Variants in MCU observed in about 807,000 individuals in gnomAD.
The protein encoded by MCU is calcium uniporter protein, mitochondrial.
In MCU, 12 loss-of-function variants were observed where a neutral mutation model predicts 45.2. The ratio of observed to expected loss-of-function variants is 0.27; its 90% confidence interval spans 0.17 to 0.43. The LOEUF is 0.43. Ranked by LOEUF, MCU falls within the 20% of genes least tolerant of loss-of-function variation. MCU has a pLI of 1.00. For missense variants in MCU, 324 were observed against 436.7 expected, an observed-to-expected ratio of 0.74 and a Z score of 2.30; for synonymous variants, 160 against 165.1, an observed-to-expected ratio of 0.97 and a Z score of 0.24.
chr10:72,775,863 T>C (rs1334010009), intron 1 of MCU, among the ~76,000 whole-genome samples: 2 of 151,966 alleles, frequency 1.3e-5, no homozygotes, highest in Non-Finnish European at 2.9e-5. Flanking sequence ...AGTAATGAAA[T>C]AGAAGCTGTA....
At chr10:72,844,275 TACTC>T (rs1845087838) in intron 2 of MCU, among the ~76,000 whole-genome samples, 1 of 152,094 alleles carries the variant, frequency 6.6e-6, no homozygotes, top group East Asian at 1.9e-4. Context: ...TAATTCCAGT[TACTC>T]AGGAGGCTGA....
intron 1 of MCU, among the ~76,000 whole-genome samples, chr10:72,774,430 C>T (rs1843859633): frequency 6.6e-6 from 1 of 151,944 alleles, no homozygotes; most frequent in Non-Finnish European, 1.5e-5. Flanking sequence ...AAAAACACAA[C>T]AAATTAAAAA....
rs144528576 is a variant in MCU, at chr10:72,719,154, G to A, written c.150+26853G>A. Among the ~76,000 whole-genome samples, 905 of 152,256 alleles carry A rather than the reference G, an allele frequency of 5.9e-3. 12 individuals are homozygous for A. Among genetic ancestry groups the A allele is most frequent in the African/African-American group, 0.021 (852 of 41,528 alleles). ...TATACAAAAAGTATTAAAAGTATTA[G>A]CAATTCTGGAAAACACACAGCATTT... On this transcript the variant is annotated intron_variant, in intron 1 of 7. Transcript: ENST00000373053.
intron 1 of MCU, among the ~76,000 whole-genome samples, chr10:72,786,254 A>G (rs1844069763): frequency 1.3e-5 from 2 of 152,112 alleles, no homozygotes; most frequent in South Asian, 4.1e-4. Context: ...ACACATCAAC[A>G]TAGAGTGAGA....
chr10:72,827,077 A>T (rs985058252), intron 1 of MCU, among the ~76,000 whole-genome samples: 1 of 152,166 alleles, frequency 6.6e-6, no homozygotes, highest in Non-Finnish European at 1.5e-5. Context: ...TCAGGCATCC[A>T]TTGAGAGTCT....
In MCU at chr10:72,842,512, C is replaced by T. The variant is rs113373818; in HGVS notation, c.220+8084C>T. The stretch of plus-strand genomic sequence containing the variant: ...CCACTTTTCATCAAAACAGAAAGTA[C>T]ACAACCTTTTGGATATCAAAGATAA... On this transcript the variant is annotated intron_variant, in intron 2 of 7. Transcript: ENST00000373053. Among the ~76,000 whole-genome samples the T allele has an allele frequency of 6.6e-3, 1,001 of 152,264 alleles. 9 individuals carry two copies. Among genetic ancestry groups the T allele is most frequent in the African/African-American group, 0.023 (953 of 41,540 alleles).
At chr10:72,796,692 T>TG (rs1844252178) in intron 1 of MCU, among the ~76,000 whole-genome samples, 1 of 114,694 alleles carries the variant, frequency 8.7e-6, no homozygotes, top group South Asian at 2.7e-4. Flanking sequence ...TTTTAGTTTT[T>TG]GTTTTTTTTT....
intron 1 of MCU, among the ~76,000 whole-genome samples, chr10:72,831,332 T>G (rs756107666): frequency 2.0e-5 from 3 of 151,952 alleles, no homozygotes; most frequent in Non-Finnish European, 4.4e-5. Context: ...GAAAGGTAAA[T>G]GCTAAGAGAA....
chr10:72,741,098 CTTTTTT>C (rs11310286), intron 1 of MCU, among the ~76,000 whole-genome samples: 1 of 124,684 alleles, frequency 8.0e-6, no homozygotes. Context: ...TTTTCTTTTT[CTTTTTT>C]TTTTTTTTTT....
At chr10:72,740,674 A>AG (rs1843314664) in intron 1 of MCU, among the ~76,000 whole-genome samples, 2 of 152,174 alleles carry the variant, frequency 1.3e-5, no homozygotes, top group Admixed American at 6.5e-5. Context: ...GATTCCAGTG[A>AG]GGTCGTAAGA....
chr10:72,885,637 T>G (rs920869338), intron 7 of MCU, 108 bp from the exon 8 acceptor site: 12 of 713,304 alleles, frequency 1.7e-5, no homozygotes, highest in African/African-American at 1.6e-4. Context: ...GTTATTGAGA[T>G]GATCTCTCTG....
At chr10:72,814,750 T>C (rs1844599545) in intron 1 of MCU, among the ~76,000 whole-genome samples, 1 of 152,210 alleles carries the variant, frequency 6.6e-6, no homozygotes, top group Admixed American at 6.5e-5. Flanking sequence ...AGGGTTATAT[T>C]ATCTTAAGGG....
intron 1 of MCU, among the ~76,000 whole-genome samples, chr10:72,786,336 A>G (rs1844070976): frequency 6.6e-6 from 1 of 152,134 alleles, no homozygotes. Flanking sequence ...GATATATTTG[A>G]TTTCAGATCC....
At chr10:72,709,493 G>A (rs1207640197) in intron 1 of MCU, among the ~76,000 whole-genome samples, 1 of 152,128 alleles carries the variant, frequency 6.6e-6, no homozygotes, top group Non-Finnish European at 1.5e-5. Flanking sequence ...TTCTTGATCT[G>A]TTAGTTTCTC....
intron 1 of MCU, among the ~76,000 whole-genome samples, chr10:72,827,622 A>G (rs979778740): frequency 1.3e-5 from 2 of 152,172 alleles, no homozygotes; most frequent in East Asian, 1.9e-4. Context: ...TATAGTAATT[A>G]AATTTTTTAT....
At chr10:72,807,670 T>C (rs1182555936) in intron 1 of MCU, among the ~76,000 whole-genome samples, 1 of 152,080 alleles carries the variant, frequency 6.6e-6, no homozygotes, top group East Asian at 1.9e-4. Flanking sequence ...CACACACACA[T>C]AAGCTTTGCT....
chr10:72,790,908 T>C (rs1428166413), intron 1 of MCU, among the ~76,000 whole-genome samples: 2 of 152,316 alleles, frequency 1.3e-5, no homozygotes, highest in African/African-American at 2.4e-5. Flanking sequence ...GGAAACATAT[T>C]GTGGTCTGAC....
chr10:72,734,158 A>G (rs1843219385), intron 1 of MCU, among the ~76,000 whole-genome samples: 1 of 152,140 alleles, frequency 6.6e-6, no homozygotes, highest in Non-Finnish European at 1.5e-5. Flanking sequence ...AGGCAGGAGG[A>G]TCCCTTGAGG....
chr10:72,790,406 A>C (rs571406210), intron 1 of MCU, among the ~76,000 whole-genome samples: 1 of 152,154 alleles, frequency 6.6e-6, no homozygotes, highest in African/African-American at 2.4e-5. Context: ...TGAATGTTGT[A>C]TGTATTTTAT....
Sources: gnomAD v4.1 joint callset for allele counts (sites outside exome capture counted in the v4.1 genomes callset) on GRCh38, gnomAD v4.1.1 for gene constraint, MANE v1.5 for transcripts, NCBI Gene and HGNC (gene_info 2026-07-23, HGNC 2026-07-21) for gene names.